Variants in DLG2 observed in about 807,000 individuals in gnomAD.
DLG2 encodes the protein disks large homolog 2.
DLG2 carries 45 observed loss-of-function variants against 132.5 expected under a neutral mutation model. The observed-to-expected ratio is 0.34, with a 90% CI of 0.27 to 0.44. DLG2 has a LOEUF of 0.44. Ranked by LOEUF, DLG2 falls within the 20% of genes least tolerant of loss-of-function variation. The probability of loss-of-function intolerance (pLI) is 1.00; values close to 1 mark genes in which losing one functional copy is unlikely to be tolerated. For missense variants in DLG2, 1,045 were observed against 1,196.9 expected, an observed-to-expected ratio of 0.87 and a Z score of 1.87; for synonymous variants, 424 against 419.6, an observed-to-expected ratio of 1.01 and a Z score of -0.13.
At chr11:83,769,518 T>C (rs2094291044) in intron 18 of DLG2, among the ~76,000 whole-genome samples, 1 of 151,142 alleles carries the variant, frequency 6.6e-6, no homozygotes, top group African/African-American at 2.4e-5. Flanking sequence ...GGATGGAGTG[T>C]ATGGTTAGGG....
At chr11:84,739,932 C>A (rs999517884) in intron 6 of DLG2, among the ~76,000 whole-genome samples, 1 of 152,026 alleles carries the variant, frequency 6.6e-6, no homozygotes, top group African/African-American at 2.4e-5. Flanking sequence ...TCTGATGAAG[C>A]GGTCCTTGTG....
At chr11:85,401,158 T>C (rs938361911) in intron 3 of DLG2, among the ~76,000 whole-genome samples, 2 of 152,068 alleles carry the variant, frequency 1.3e-5, no homozygotes, top group African/African-American at 4.8e-5. Context: ...GTGGGCTTCA[T>C]CCCTGGGATG....
At chr11:84,830,648 T>C (rs1052322031) in intron 6 of DLG2, among the ~76,000 whole-genome samples, 1 of 151,514 alleles carries the variant, frequency 6.6e-6, no homozygotes, top group Non-Finnish European at 1.5e-5. Context: ...AAGAAGCTTG[T>C]ATCCAAGATT....
chr11:83,612,268 T>C (rs1206591892), intron 19 of DLG2, among the ~76,000 whole-genome samples: 3 of 152,232 alleles, frequency 2.0e-5, no homozygotes, highest in Non-Finnish European at 4.4e-5. Flanking sequence ...CTAAGAGCTG[T>C]GTGATTTAGA....
At chr11:85,053,440 A>G (rs2154155032) in intron 6 of DLG2, among the ~76,000 whole-genome samples, 1 of 152,224 alleles carries the variant, frequency 6.6e-6, no homozygotes, top group East Asian at 1.9e-4. Flanking sequence ...AGGTTAGCAT[A>G]TAGTATAAAC....
In DLG2 at chr11:85,258,008, C is replaced by G. The variant is rs372998535; in HGVS notation, c.186+27212G>C. ...AGAAGAGCTCTTATATACACTTTTA[C>G]TCTAAGGACTCAGGAACTGATACTG... is the stretch of plus-strand genomic sequence containing the variant. On this transcript the variant is annotated intron_variant, in intron 4 of 27. Coordinates refer to ENST00000376104, the MANE Select transcript of DLG2 (RefSeq NM_001142699.3). Among the ~76,000 whole-genome samples, 14 of 152,264 alleles carry G rather than the reference C, an allele frequency of 9.2e-5. No individual in the cohort carries two copies. In the East Asian group the frequency reaches 2.3e-3, roughly 25 times the overall value.
intron 7 of DLG2, among the ~76,000 whole-genome samples, chr11:84,506,039 G>T (rs1224739378): frequency 6.7e-6 from 1 of 149,456 alleles, no homozygotes; most frequent in East Asian, 2.0e-4. Context: ...TTTACGCTGG[G>T]TTACACAGTT....
intron 7 of DLG2, among the ~76,000 whole-genome samples, chr11:84,356,904 T>C (rs747164105): frequency 6.6e-6 from 1 of 152,020 alleles, no homozygotes; most frequent in Non-Finnish European, 1.5e-5. Flanking sequence ...TGGAGGGGAC[T>C]ATTCCAGAGA....
At chr11:84,269,651 C>A (rs984001269) in intron 7 of DLG2, among the ~76,000 whole-genome samples, 2 of 152,176 alleles carry the variant, frequency 1.3e-5, no homozygotes, top group Non-Finnish European at 2.9e-5. Context: ...AGCCGCATAA[C>A]CTTCACATTA....
chr11:85,110,138 G>T (rs928634229), intron 6 of DLG2, among the ~76,000 whole-genome samples: 10 of 151,888 alleles, frequency 6.6e-5, no homozygotes, highest in African/African-American at 2.4e-4. Context: ...TACCATCAGG[G>T]ATACAATAAA....
chr11:84,467,737 G>A (rs1378110598), intron 7 of DLG2, among the ~76,000 whole-genome samples: 2 of 151,374 alleles, frequency 1.3e-5, no homozygotes, highest in Non-Finnish European at 3.0e-5. Context: ...ATTAAATAAT[G>A]TTAGAAAGTA....
intron 18 of DLG2, among the ~76,000 whole-genome samples, chr11:83,718,532 G>GAAAAAAAAAAAAAAAAAA: frequency 9.4e-6 from 1 of 106,278 alleles, no homozygotes; most frequent in Non-Finnish European, 1.8e-5. Flanking sequence ...CTCAAAAAAA[G>GAAAAAAAAAAAAAAAAAA]AAAAAAAAAA....
At chr11:83,472,587 C>T (rs976836786) in intron 23 of DLG2, 140 bp downstream of exon 23, 12 of 674,424 alleles carry the variant, frequency 1.8e-5, no homozygotes, top group African/African-American at 9.1e-5. Context: ...TGAGAGACAG[C>T]GTAAGAGTAA....
At chr11:84,968,704 G>A (rs2053649653) in intron 6 of DLG2, among the ~76,000 whole-genome samples, 1 of 152,108 alleles carries the variant, frequency 6.6e-6, no homozygotes, top group African/African-American at 2.4e-5. Context: ...CTATTTCTCA[G>A]TGCAAGTCAG....
intron 3 of DLG2, among the ~76,000 whole-genome samples, chr11:85,389,767 C>T (rs929508104): frequency 1.3e-5 from 2 of 152,112 alleles, no homozygotes; most frequent in Non-Finnish European, 2.9e-5. Flanking sequence ...AACTAAGCTT[C>T]ATAAATGAAG....
intron 6 of DLG2, among the ~76,000 whole-genome samples, chr11:85,000,590 C>T (rs932049675): frequency 7.2e-5 from 11 of 152,152 alleles, no homozygotes; most frequent in Non-Finnish European, 1.5e-4. Flanking sequence ...TTTTTAGGAT[C>T]TGGCCTATAC....
At chr11:84,076,062 C>G (rs2096826642) in intron 10 of DLG2, among the ~76,000 whole-genome samples, 1 of 152,306 alleles carries the variant, frequency 6.6e-6, no homozygotes, top group Non-Finnish European at 1.5e-5. Context: ...TTCCAGAAAC[C>G]TGGTTTCATT....
intron 9 of DLG2, among the ~76,000 whole-genome samples, chr11:84,102,474 T>C (rs142958540): frequency 7.1e-4 from 108 of 152,238 alleles, no homozygotes; most frequent in Middle Eastern, 3.4e-3. Context: ...GTAGAAGCCA[T>C]TTTGCTCTGT....
At chr11:83,462,533 AGTTTGTTCTAGT>A (rs1437972617) in intron 26 of DLG2, among the ~76,000 whole-genome samples, 31 of 152,184 alleles carry the variant, frequency 2.0e-4, no homozygotes, top group African/African-American at 7.5e-4. Flanking sequence ...CCTTTCTTGG[AGTTTGTTCTAGT>A]GTATCTCAGA....
Sources: gnomAD v4.1 joint callset for allele counts (sites outside exome capture counted in the v4.1 genomes callset) on GRCh38, gnomAD v4.1.1 for gene constraint, MANE v1.5 for transcripts, NCBI Gene and HGNC (gene_info 2026-07-23, HGNC 2026-07-21) for gene names.